Variants in CCDC85C observed in about 807,000 individuals in gnomAD.
CCDC85C encodes coiled-coil domain containing 85C, also known as coiled-coil domain-containing protein 85C.
CCDC85C carries 18 observed loss-of-function variants against 38.3 expected under a neutral mutation model. That is an observed-to-expected ratio of 0.47 (90% CI 0.33 to 0.70). The LOEUF (loss-of-function observed/expected upper bound fraction) is 0.70, where lower values mean the gene tolerates loss of function less well. Among genes scored for constraint, CCDC85C ranks in the 30% least tolerant of loss-of-function variants. The pLI is 0.03. For synonymous variants in CCDC85C, 264 were observed against 293.8 expected (o/e 0.90, Z 1.04); for missense variants, 566 against 621.2 (o/e 0.91, Z 0.94).
intron 1 of CCDC85C, among the ~76,000 whole-genome samples, chr14:99,584,557 C>A (rs559058621): frequency 1.3e-5 from 2 of 152,298 alleles, no homozygotes; most frequent in African/African-American, 4.8e-5. Flanking sequence ...TGTCATGTTA[C>A]GTCAGGAGAG....
chr14:99,541,832 G>A (rs1269294312), intron 1 of CCDC85C, among the ~76,000 whole-genome samples: 2 of 152,210 alleles, frequency 1.3e-5, no homozygotes, highest in South Asian at 2.1e-4. Flanking sequence ...GAAGGTGGAG[G>A]CTGGGGGCGA....
chr14:99,564,518 G>C (rs965665249), intron 1 of CCDC85C, among the ~76,000 whole-genome samples: 1 of 152,224 alleles, frequency 6.6e-6, no homozygotes, highest in Non-Finnish European at 1.5e-5. Flanking sequence ...CCGTTTATCT[G>C]TCCTGGGCGC....
intron 1 of CCDC85C, among the ~76,000 whole-genome samples, chr14:99,546,343 G>A (rs1897807917): frequency 6.6e-6 from 1 of 152,072 alleles, no homozygotes; most frequent in Non-Finnish European, 1.5e-5. Flanking sequence ...GCCACATGCA[G>A]AGGTGGGAGG....
rs1281582368 is a variant in CCDC85C at position 99,507,218 on chromosome 14, G to A, written c.*8028C>T. The A allele has an allele frequency of 3.2e-6, 3 of 943,124 alleles. No individual in the cohort carries two copies. The highest frequency in any genetic ancestry group is 1.3e-5 in the South Asian group (1 of 77,276). The allele number at this position is 943,124 out of a possible 1,614,324, so 58.4% of individuals were successfully genotyped here. Reference sequence around the variant, plus strand: ...TGAATGTTGGACGCAGCAGGTCCTGGGAACTTAGAAAAGGGAGACTGGGGC... The same window carrying A: ...TGAATGTTGGACGCAGCAGGTCCTGAGAACTTAGAAAAGGGAGACTGGGGC... On this transcript the variant is annotated 3_prime_UTR_variant, in exon 6 of 6. Coordinates refer to ENST00000380243, the MANE Select transcript of CCDC85C (RefSeq NM_001144995.2).
rs7160662 is a variant in CCDC85C, at chr14:99,595,322, G to A, written c.793+7845C>T. ...CCAGGCTGGAGTGCAGTGGCGCGAT[G>A]GCTCACTGCAACCTCTGCCTCCTGG... is the stretch of plus-strand genomic sequence containing the variant. On this transcript the variant is annotated intron_variant, in intron 1 of 5. Transcript: ENST00000380243. Among the ~76,000 whole-genome samples the A allele has an allele frequency of 3.0e-3, 460 of 152,238 alleles. 1 individual carries two copies. Among genetic ancestry groups the A allele is most frequent in the African/African-American group, 0.01 (433 of 41,528 alleles).
At chr14:99,543,714 T>C (rs1369593718) in intron 1 of CCDC85C, among the ~76,000 whole-genome samples, 1 of 151,682 alleles carries the variant, frequency 6.6e-6, no homozygotes, top group African/African-American at 2.4e-5. Flanking sequence ...CTGTGCCCCT[T>C]AGCATCAGTG....
In CCDC85C at chr14:99,500,733, A is replaced by G. The variant is rs1259702490; in HGVS notation, c.*14513T>C. ...ATGCTGCTTGAGACCTGCAATTGTA[A>G]TTACTGTCCTAACATTTGTGATTGA... is the stretch of plus-strand genomic sequence containing the variant. On this transcript the variant is annotated 3_prime_UTR_variant, in exon 6 of 6. Coordinates refer to ENST00000380243, the MANE Select transcript of CCDC85C (RefSeq NM_001144995.2). The G allele has an allele frequency of 5.2e-6, 7 of 1,345,984 alleles. No homozygotes were observed. The highest frequency in any genetic ancestry group is 5.0e-5 in the East Asian group (2 of 40,176). The allele number at this position is 1,345,984 out of a possible 1,614,324, so 83.4% of individuals were successfully genotyped here. A position where few individuals can be genotyped will look rare whatever the true frequency, so the allele number is the denominator to read the frequency against.
chr14:99,534,599 G>A (rs1191840990), intron 2 of CCDC85C: 1 of 701,930 alleles, frequency 1.4e-6, no homozygotes, highest in Non-Finnish European at 2.6e-6. Flanking sequence ...ACACTGCATG[G>A]GGACCTTCTC....
chr14:99,561,144 C>T (rs543127407), intron 1 of CCDC85C, among the ~76,000 whole-genome samples: 6 of 152,342 alleles, frequency 3.9e-5, no homozygotes, highest in Admixed American at 1.3e-4. Flanking sequence ...TGCTGCCACA[C>T]GCCTCCAGGG....
At chr14:99,549,525 C>G (rs1255135822) in intron 1 of CCDC85C, among the ~76,000 whole-genome samples, 1 of 152,210 alleles carries the variant, frequency 6.6e-6, no homozygotes, top group East Asian at 1.9e-4. Context: ...GCTCTGTGAC[C>G]TTGGACAAGC....
At chr14:99,522,366 T>G in intron 2 of CCDC85C, 126 bp from the exon 3 acceptor site, 1 of 629,450 alleles carries the variant, frequency 1.6e-6, no homozygotes, top group Non-Finnish European at 2.7e-6. Flanking sequence ...CCCTCCACCC[T>G]CCCCTCCACA....
rs770745891 is a variant in CCDC85C at position 99,510,718 on chromosome 14, C to T, written c.*4528G>A. ...CCTGGAGGACAGCCTCCTGTGCCCCCGCCCATTCCCCCACCCGGCATGCCT... is the reference window on the plus strand; with the variant it reads ...CCTGGAGGACAGCCTCCTGTGCCCCTGCCCATTCCCCCACCCGGCATGCCT... On this transcript the variant is annotated 3_prime_UTR_variant, in exon 6 of 6. Coordinates refer to ENST00000380243, the MANE Select transcript of CCDC85C (RefSeq NM_001144995.2). 4.2e-6 allele frequency: 6 copies of T among 1,429,308 alleles called. No homozygotes were observed. The highest frequency in any genetic ancestry group is 3.0e-5 in the Admixed American group (1 of 33,002). 88.5% of individuals were successfully genotyped at this position (1,429,308 alleles called of 1,614,324 possible).
chr14:99,566,317 T>C (rs1898214771), intron 1 of CCDC85C, among the ~76,000 whole-genome samples: 1 of 143,738 alleles, frequency 7.0e-6, no homozygotes, highest in East Asian at 2.0e-4. Flanking sequence ...AGGTAAGCAC[T>C]ATCAGTGCCC....
intron 1 of CCDC85C, among the ~76,000 whole-genome samples, chr14:99,543,282 C>A (rs941544): frequency 1.3e-5 from 2 of 151,602 alleles, no homozygotes; most frequent in Non-Finnish European, 2.9e-5. Context: ...CATGCAGAAC[C>A]CCGTCTTACA....
intron 1 of CCDC85C, among the ~76,000 whole-genome samples, chr14:99,602,232 G>A (rs1213935212): frequency 2.6e-5 from 4 of 152,210 alleles, no homozygotes; most frequent in Non-Finnish European, 5.9e-5. Flanking sequence ...GGGCTGAGCA[G>A]GGGGCTGGGA....
At chr14:99,524,387 C>A (rs369324480) in intron 2 of CCDC85C, among the ~76,000 whole-genome samples, 2 of 151,974 alleles carry the variant, frequency 1.3e-5, no homozygotes, top group Non-Finnish European at 2.9e-5. Flanking sequence ...TGGGCTCCCA[C>A]GTGCTGTTAC....
rs1178131807 is a variant in CCDC85C, at chr14:99,572,351, C to T, written c.793+30816G>A. 6.6e-6 allele frequency among the ~76,000 whole-genome samples: 1 copy of T among 152,202 alleles called. No homozygotes were observed. Among genetic ancestry groups the T allele is most frequent in the African/African-American group, 2.4e-5 (1 of 41,460 alleles). ...GGAAACTGAAAGCTGTGGCATGTGG[C>T]CTTCCTCACGGGACACTGCGGGCGC... On this transcript the variant is annotated intron_variant, in intron 1 of 5. Coordinates refer to ENST00000380243, the MANE Select transcript of CCDC85C (RefSeq NM_001144995.2). The surrounding 1 kb of genome is among the most constrained non-coding windows in gnomAD (Gnocchi z 4.4).
In CCDC85C at chr14:99,510,068, C is replaced by A; in HGVS notation, c.*5178G>T. On this transcript the variant is annotated 3_prime_UTR_variant, in exon 6 of 6. Coordinates refer to ENST00000380243, the MANE Select transcript of CCDC85C (RefSeq NM_001144995.2). ...AGGCGGGCAGCTGCTCCCTGCTCCT[C>A]TGTAAAGATGGCCCTGAAGGGCCAG... 1 of 1,347,486 alleles carries A rather than the reference C, an allele frequency of 7.4e-7. No individual in the cohort carries two copies. 83.5% of individuals were successfully genotyped at this position (1,347,486 alleles called of 1,614,324 possible).
chr14:99,549,535 C>A (rs578075438), intron 1 of CCDC85C, among the ~76,000 whole-genome samples: 10 of 152,226 alleles, frequency 6.6e-5, no homozygotes, highest in South Asian at 4.1e-4. Flanking sequence ...CTTGGACAAG[C>A]CCCTTCCCTT....
Sources: gnomAD v4.1 joint callset for allele counts (sites outside exome capture counted in the v4.1 genomes callset) on GRCh38, gnomAD v4.1.1 for gene constraint, Gnocchi (gnomAD v3.1) non-coding constraint, MANE v1.5 for transcripts, NCBI Gene and HGNC (gene_info 2026-07-23, HGNC 2026-07-21) for gene names.